HMBOX1: variants seen among roughly 807,000 people sequenced by gnomAD.
HMBOX1 encodes homeobox containing 1.
HMBOX1 carries 14 observed loss-of-function variants against 54.5 expected under a neutral mutation model. The ratio of observed to expected loss-of-function variants is 0.26; its 90% CI spans 0.17 to 0.40. HMBOX1 has a LOEUF of 0.40. Among genes scored for constraint, HMBOX1 ranks in the 10% least tolerant of loss-of-function variants. The pLI is 1.00. For missense variants in HMBOX1, 332 were observed against 514.4 expected (o/e 0.65, Z 3.43); for synonymous variants, 160 against 181.0 (o/e 0.88, Z 0.93).
chr8:29,047,209 C>A, intron 7 of HMBOX1, 149 bp from the exon 8 acceptor site: 1 of 599,796 alleles, frequency 1.7e-6, no homozygotes, highest in African/African-American at 1.9e-5. Context: ...GTACATGGTA[C>A]CAGGTAATAC....
chr8:28,998,296 T>C (rs1385555403), intron 4 of HMBOX1, among the ~76,000 whole-genome samples: 1 of 152,214 alleles, frequency 6.6e-6, no homozygotes, highest in East Asian at 1.9e-4. Flanking sequence ...CTTTCTGTTT[T>C]CAGTTCTGTC....
At chr8:29,009,706 C>G (rs1037078726) in intron 5 of HMBOX1, 10 of 1,286,832 alleles carry the variant, frequency 7.8e-6, no homozygotes, top group Non-Finnish European at 1.0e-5. Context: ...CTGATGACTC[C>G]CAGGAGCAGC....
At chr8:28,893,062 C>T (rs1053889304) in intron 1 of HMBOX1, among the ~76,000 whole-genome samples, 3 of 151,936 alleles carry the variant, frequency 2.0e-5, no homozygotes, top group Non-Finnish European at 4.4e-5. Flanking sequence ...TTCCATCTAC[C>T]CTTACCTCAA....
intron 4 of HMBOX1, among the ~76,000 whole-genome samples, chr8:29,003,298 C>T (rs1358637637): frequency 6.6e-6 from 1 of 151,378 alleles, no homozygotes; most frequent in Non-Finnish European, 1.5e-5. Context: ...AATAGTGAAA[C>T]ATTAACAACA....
intron 4 of HMBOX1, among the ~76,000 whole-genome samples, chr8:28,985,811 A>G (rs1316258556): frequency 6.6e-6 from 1 of 152,146 alleles, no homozygotes; most frequent in Non-Finnish European, 1.5e-5. Flanking sequence ...ATAAACAACA[A>G]CAACCACTTC....
intron 1 of HMBOX1, among the ~76,000 whole-genome samples, chr8:28,900,815 T>C (rs1563350802): frequency 6.6e-6 from 1 of 152,184 alleles, no homozygotes; most frequent in Non-Finnish European, 1.5e-5. Context: ...TTTAACCTTA[T>C]ATACTTTGGA....
chr8:28,986,694 G>T (rs1830213013), intron 4 of HMBOX1, among the ~76,000 whole-genome samples: 1 of 152,164 alleles, frequency 6.6e-6, no homozygotes, highest in Non-Finnish European at 1.5e-5. Flanking sequence ...TGTTTTCGCA[G>T]AGTGCATTTT....
intron 1 of HMBOX1, among the ~76,000 whole-genome samples, chr8:28,922,474 T>A (rs1360693148): frequency 6.6e-6 from 1 of 152,228 alleles, no homozygotes. Flanking sequence ...AGTACTTTTA[T>A]CTTTGCAAAA....
chr8:28,959,112 T>C (rs1013968707), intron 1 of HMBOX1, among the ~76,000 whole-genome samples: 4 of 152,222 alleles, frequency 2.6e-5, no homozygotes, highest in African/African-American at 7.2e-5. Flanking sequence ...ATTCTTCTTA[T>C]AGATCTTAGT....
chr8:29,003,178 G>T (rs1832894232), intron 4 of HMBOX1, among the ~76,000 whole-genome samples: 1 of 150,984 alleles, frequency 6.6e-6, no homozygotes, highest in African/African-American at 2.4e-5. Flanking sequence ...AAACATAAAT[G>T]CTCTTCACAA....
chr8:28,932,256 C>T (rs941502435), intron 1 of HMBOX1, among the ~76,000 whole-genome samples: 5 of 152,182 alleles, frequency 3.3e-5, no homozygotes, highest in African/African-American at 9.7e-5. Context: ...TCTTATAAGG[C>T]AGTATAGATC....
chr8:28,923,894 G>A (rs965214056), intron 1 of HMBOX1, among the ~76,000 whole-genome samples: 4 of 151,420 alleles, frequency 2.6e-5, no homozygotes. Context: ...TGTGCTTATT[G>A]GTCATTTATA....
intron 2 of HMBOX1, among the ~76,000 whole-genome samples, chr8:28,969,608 A>G (rs2132339944): frequency 6.6e-6 from 1 of 152,318 alleles, no homozygotes; most frequent in East Asian, 1.9e-4. Context: ...ATATTTGGTA[A>G]ATAATATAAT....
intron 1 of HMBOX1, among the ~76,000 whole-genome samples, chr8:28,912,587 C>G (rs1007402010): frequency 6.6e-6 from 1 of 152,178 alleles, no homozygotes; most frequent in Admixed American, 6.5e-5. Context: ...TTTGATATTT[C>G]AGCAGTTTTT....
intron 1 of HMBOX1, among the ~76,000 whole-genome samples, chr8:28,913,002 T>C (rs1423163132): frequency 2.6e-5 from 4 of 152,224 alleles, no homozygotes; most frequent in Non-Finnish European, 5.9e-5. Flanking sequence ...TCTCTGATTC[T>C]TACTTCCTTC....
chr8:28,935,443 GTAA>G (rs1820234814), intron 1 of HMBOX1, among the ~76,000 whole-genome samples: 1 of 152,172 alleles, frequency 6.6e-6, no homozygotes, highest in Non-Finnish European at 1.5e-5. Flanking sequence ...ATATGCTAAG[GTAA>G]TTCATTGAGC....
intron 1 of HMBOX1, among the ~76,000 whole-genome samples, chr8:28,959,779 T>G (rs1235148906): frequency 6.6e-6 from 1 of 152,184 alleles, no homozygotes; most frequent in African/African-American, 2.4e-5. Flanking sequence ...ACTCAGCTGA[T>G]TTTGATGCCT....
chr8:28,995,270 A>G (rs1173982588), intron 4 of HMBOX1, among the ~76,000 whole-genome samples: 3 of 152,236 alleles, frequency 2.0e-5, no homozygotes, highest in Non-Finnish European at 4.4e-5. Context: ...CATACACTAT[A>G]TAAACTTTTG....
chr8:28,983,703 C>T (rs763932435), intron 4 of HMBOX1, among the ~76,000 whole-genome samples: 13 of 152,184 alleles, frequency 8.5e-5, no homozygotes, highest in Non-Finnish European at 1.5e-4. Context: ...CTGACACAAG[C>T]TATACATGTG....
Sources: allele counts gnomAD v4.1 joint callset (sites outside exome capture counted in the v4.1 genomes callset), GRCh38; gene constraint gnomAD v4.1.1; transcripts MANE v1.5; gene names NCBI Gene and HGNC (gene_info 2026-07-23, HGNC 2026-07-21).